Variants in MACROD2 observed in about 807,000 individuals in gnomAD.
MACROD2 encodes ADP-ribose glycohydrolase MACROD2.
A neutral mutation model predicts 70.4 loss-of-function variants in MACROD2; 36 were observed. That is an observed-to-expected ratio of 0.51 (90% CI 0.39 to 0.68). The LOEUF (loss-of-function observed/expected upper bound fraction) is 0.68, where lower values mean the gene tolerates loss of function less well. Among genes scored for constraint, MACROD2 ranks in the 30% least tolerant of loss-of-function variants. MACROD2 has a pLI of 0.00. For missense variants in MACROD2, 496 were observed against 538.4 expected, an observed-to-expected ratio of 0.92 and a Z score of 0.78; for synonymous variants, 172 against 178.8, an observed-to-expected ratio of 0.96 and a Z score of 0.30.
intron 8 of MACROD2, among the ~76,000 whole-genome samples, chr20:15,721,108 A>C (rs796374777): frequency 3.5e-4 from 53 of 152,316 alleles, no homozygotes; most frequent in African/African-American, 1.3e-3. Context: ...CATAACCTAC[A>C]CATGGGTGGG....
At chr20:14,562,297 C>T (rs1336136558) in intron 4 of MACROD2, among the ~76,000 whole-genome samples, 2 of 151,768 alleles carry the variant, frequency 1.3e-5, no homozygotes, top group Non-Finnish European at 1.5e-5. Context: ...TTCATTTTGT[C>T]TAAATATGTA....
intron 5 of MACROD2, among the ~76,000 whole-genome samples, chr20:15,041,429 A>T (rs749410216): frequency 1.1e-4 from 16 of 152,130 alleles, no homozygotes; most frequent in East Asian, 3.9e-4. Context: ...TGATTTTTTT[A>T]AATTAATTTC....
intron 5 of MACROD2, among the ~76,000 whole-genome samples, chr20:15,126,041 A>G (rs1028965868): frequency 1.3e-5 from 2 of 149,934 alleles, no homozygotes; most frequent in Non-Finnish European, 3.0e-5. Context: ...AATTAAAAAT[A>G]TTCCATAGTA....
intron 7 of MACROD2, among the ~76,000 whole-genome samples, chr20:15,446,373 G>A (rs1433962376): frequency 6.6e-6 from 1 of 152,214 alleles, no homozygotes; most frequent in Admixed American, 6.5e-5. Context: ...GGCAGCCTGT[G>A]CAAGGGAGGA....
intron 5 of MACROD2, among the ~76,000 whole-genome samples, chr20:14,813,098 A>C (rs2072733788): frequency 6.6e-6 from 1 of 152,026 alleles, no homozygotes; most frequent in South Asian, 2.1e-4. Context: ...ATGATTTACT[A>C]ACAAGTATTA....
intron 3 of MACROD2, among the ~76,000 whole-genome samples, chr20:14,464,334 A>G (rs1479363428): frequency 2.6e-5 from 4 of 152,094 alleles, no homozygotes; most frequent in Non-Finnish European, 5.9e-5. Flanking sequence ...AGGTATTTGT[A>G]GTATTCTCTG....
chr20:15,534,666 C>T (rs1040516201), intron 8 of MACROD2, among the ~76,000 whole-genome samples: 4 of 152,080 alleles, frequency 2.6e-5, no homozygotes, highest in Non-Finnish European at 5.9e-5. Context: ...AACAGTTCAA[C>T]CCCCAATATA....
intron 6 of MACROD2, among the ~76,000 whole-genome samples, chr20:15,411,376 A>G (rs1401714099): frequency 6.6e-6 from 1 of 152,200 alleles, no homozygotes; most frequent in African/African-American, 2.4e-5. Context: ...ATTTGCCAGA[A>G]CAGATTTTAT....
At chr20:14,846,663 G>A (rs28458199) in intron 5 of MACROD2, among the ~76,000 whole-genome samples, 4 of 151,794 alleles carry the variant, frequency 2.6e-5, no homozygotes, top group Admixed American at 1.3e-4. Flanking sequence ...GACCACAGGC[G>A]CCCGCCACCA....
rs1017263921 is a variant in MACROD2, at chr20:14,495,178, A to G, written c.301+1670A>G. 5.4e-5 allele frequency among the ~76,000 whole-genome samples: 7 copies of G among 130,070 alleles called. No individual in the cohort carries two copies. The Admixed American group carries it at 5.4e-4, about 10-fold the overall frequency. 85.3% of individuals were successfully genotyped at this position (130,070 alleles called of 152,430 possible). On this transcript the variant is annotated intron_variant, in intron 4 of 17. Coordinates refer to ENST00000684519, the MANE Select transcript of MACROD2 (RefSeq NM_001351661.2). ...TAACAGTAGTTTAAAGGAGATATAA[A>G]TGTATTTCTGTCTCATGTAAAGGTA... is the stretch of plus-strand genomic sequence containing the variant.
At chr20:14,305,522 G>A (rs538790103) in intron 3 of MACROD2, among the ~76,000 whole-genome samples, 4 of 152,212 alleles carry the variant, frequency 2.6e-5, no homozygotes, top group African/African-American at 9.6e-5. Flanking sequence ...CATTTTGGGA[G>A]CCCATGTGGT....
intron 5 of MACROD2, among the ~76,000 whole-genome samples, chr20:15,159,241 T>C (rs1309583797): frequency 6.6e-6 from 1 of 152,140 alleles, no homozygotes. Flanking sequence ...GTGTCTTTTG[T>C]TGTATAACGA....
At chr20:15,311,212 GA>G (rs879807247) in intron 6 of MACROD2, among the ~76,000 whole-genome samples, 76 of 151,448 alleles carry the variant, frequency 5.0e-4, no homozygotes, top group East Asian at 2.1e-3. Flanking sequence ...TATTAATGAT[GA>G]AAAAAAAGGC....
chr20:15,408,919 ACTAGTTGCCACCAGAT>A (rs1330744301), intron 6 of MACROD2, among the ~76,000 whole-genome samples: 33 of 152,220 alleles, frequency 2.2e-4, no homozygotes, highest in African/African-American at 8.0e-4. Context: ...TTTCACAGTA[ACTAGTTGCCACCAGAT>A]CAAGTTGGGG....
intron 4 of MACROD2, among the ~76,000 whole-genome samples, chr20:14,640,501 A>G (rs1171170019): frequency 6.6e-6 from 1 of 152,134 alleles, no homozygotes; most frequent in African/African-American, 2.4e-5. Flanking sequence ...TTTATAGTCT[A>G]CTGGGAGAGA....
chr20:14,264,009 AC>A (rs1163354451), intron 3 of MACROD2, among the ~76,000 whole-genome samples: 2 of 142,156 alleles, frequency 1.4e-5, no homozygotes, highest in Non-Finnish European at 3.1e-5. Context: ...ACACACACAC[AC>A]ACACACACAC....
chr20:15,956,921 A>G (rs2065985382), intron 12 of MACROD2, among the ~76,000 whole-genome samples: 2 of 152,354 alleles, frequency 1.3e-5, no homozygotes, highest in African/African-American at 4.8e-5. Flanking sequence ...AAAAAGATTT[A>G]CCGTAGAATC....
At chr20:15,104,075 T>C (rs2123202367) in intron 5 of MACROD2, among the ~76,000 whole-genome samples, 1 of 152,204 alleles carries the variant, frequency 6.6e-6, no homozygotes, top group East Asian at 1.9e-4. Flanking sequence ...GACCTACTCA[T>C]GTTGAAATAG....
intron 9 of MACROD2, among the ~76,000 whole-genome samples, chr20:15,873,247 G>C (rs1175280503): frequency 6.6e-6 from 1 of 152,108 alleles, no homozygotes; most frequent in African/African-American, 2.4e-5. Context: ...ACCATCCACA[G>C]GGACAGAAAT....
Sources: gnomAD v4.1 joint callset for allele counts (sites outside exome capture counted in the v4.1 genomes callset) on GRCh38, gnomAD v4.1.1 for gene constraint, MANE v1.5 for transcripts, NCBI Gene and HGNC (gene_info 2026-07-23, HGNC 2026-07-21) for gene names.